TENM4: variants seen among roughly 807,000 people sequenced by gnomAD.
The protein encoded by TENM4 is teneurin-4.
In TENM4, 82 loss-of-function variants were observed where a neutral mutation model predicts 243.3. The observed-to-expected ratio is 0.34, with a 90% confidence interval of 0.28 to 0.40. The LOEUF (loss-of-function observed/expected upper bound fraction) is 0.40. Ranked by LOEUF, TENM4 falls within the 10% of genes least tolerant of loss-of-function variation. The pLI, the probability that TENM4 is intolerant of heterozygous loss-of-function variation, is 1.00. For synonymous variants in TENM4, 1,412 were observed against 1,456.3 expected (o/e 0.97, Z 0.69); for missense variants, 3,138 against 3,673.3 (o/e 0.85, Z 3.77).
intron 1 of TENM4, among the ~76,000 whole-genome samples, chr11:79,381,876 C>T (rs1858011790): frequency 6.6e-6 from 1 of 152,006 alleles, no homozygotes; most frequent in Non-Finnish European, 1.5e-5. Flanking sequence ...CCGTCCTGTT[C>T]CAGAGCCCAC....
At chr11:78,948,889 A>C (rs926499585) in intron 6 of TENM4, among the ~76,000 whole-genome samples, 13 of 152,256 alleles carry the variant, frequency 8.5e-5, no homozygotes, top group South Asian at 8.3e-4. Flanking sequence ...TTGTTTTCTC[A>C]TAATTGGATT....
At chr11:79,152,283 A>C (rs1031709861) in intron 3 of TENM4, among the ~76,000 whole-genome samples, 1 of 152,190 alleles carries the variant, frequency 6.6e-6, no homozygotes, top group Non-Finnish European at 1.5e-5. Flanking sequence ...CTTAGTCAGA[A>C]AATGAGAGTT....
chr11:79,120,633 T>G (rs1014095556), intron 4 of TENM4, among the ~76,000 whole-genome samples: 14 of 152,212 alleles, frequency 9.2e-5, no homozygotes, highest in African/African-American at 3.1e-4. Flanking sequence ...GTTAAAACAT[T>G]GCTGAATCCA....
At chr11:79,183,625 C>A (rs556102044) in intron 3 of TENM4, among the ~76,000 whole-genome samples, 1 of 152,194 alleles carries the variant, frequency 6.6e-6, no homozygotes, top group African/African-American at 2.4e-5. Flanking sequence ...ATTGATGTGG[C>A]AAGGTTGTGT....
intron 1 of TENM4, among the ~76,000 whole-genome samples, chr11:79,302,217 C>T (rs1429010151): frequency 6.6e-6 from 1 of 152,222 alleles, no homozygotes; most frequent in Non-Finnish European, 1.5e-5. Context: ...CAGGTCTTCA[C>T]ACAGAAAGCA....
chr11:79,290,078 G>C (rs760176930), intron 2 of TENM4, among the ~76,000 whole-genome samples: 1 of 152,082 alleles, frequency 6.6e-6, no homozygotes, highest in Non-Finnish European at 1.5e-5. Flanking sequence ...TTACAGGCAT[G>C]AGCCACTGCT....
At chr11:79,038,616 C>A (rs559499252) in intron 6 of TENM4, among the ~76,000 whole-genome samples, 4 of 152,296 alleles carry the variant, frequency 2.6e-5, no homozygotes, top group Admixed American at 2.0e-4. Context: ...CAGTTGAGCT[C>A]TCTCTGAAGG....
At chr11:78,780,582 T>C (rs1490341028) in intron 16 of TENM4, among the ~76,000 whole-genome samples, 1 of 152,072 alleles carries the variant, frequency 6.6e-6, no homozygotes, top group Non-Finnish European at 1.5e-5. Context: ...AGTTCTCTGA[T>C]GAAAAAAACT....
Position 79,139,644 on chromosome 11 carries a change from TA to T in TENM4, c.-66+9065del, listed in dbSNP as rs1393821987. Among the ~76,000 whole-genome samples, 2 of 94,416 alleles carry T rather than the reference TA, an allele frequency of 2.1e-5. 1 individual carries two copies. Among genetic ancestry groups the T allele is most frequent in the African/African-American group, 1.2e-4 (2 of 16,600 alleles). The allele number at this position is 94,416 out of a possible 152,430, so 61.9% of individuals were successfully genotyped here. ...ATATAAGTATATAAAATATATATTA[TA>T]TTTATATAAGTATATAAAATATATA... is the stretch of plus-strand genomic sequence containing the variant. On this transcript the variant is annotated intron_variant, in intron 4 of 33. Transcript: ENST00000278550.
At chr11:79,430,795 T>A (rs1426371649) in intron 1 of TENM4, among the ~76,000 whole-genome samples, 1 of 152,206 alleles carries the variant, frequency 6.6e-6, no homozygotes, top group Non-Finnish European at 1.5e-5. Context: ...TGATGTCTTC[T>A]GCAATACCCC....
chr11:78,773,822 T>A (rs539566219), intron 17 of TENM4, among the ~76,000 whole-genome samples: 2 of 152,350 alleles, frequency 1.3e-5, no homozygotes, highest in South Asian at 2.1e-4. Context: ...AGCTGCCACA[T>A]ACTGAGGGTC....
chr11:79,030,141 A>G (rs1859189244), intron 6 of TENM4, among the ~76,000 whole-genome samples: 1 of 152,210 alleles, frequency 6.6e-6, no homozygotes, highest in Non-Finnish European at 1.5e-5. Flanking sequence ...GGAAGCTGAG[A>G]GGAACTTGGG....
intron 15 of TENM4, among the ~76,000 whole-genome samples, chr11:78,801,789 T>C (rs1425759037): frequency 6.6e-6 from 1 of 152,196 alleles, no homozygotes; most frequent in Non-Finnish European, 1.5e-5. Context: ...ATTTGTCCTT[T>C]GGCCTGCAGC....
chr11:78,760,741 T>A (rs1856412052), intron 18 of TENM4, among the ~76,000 whole-genome samples: 1 of 152,212 alleles, frequency 6.6e-6, no homozygotes. Flanking sequence ...CTTCAGGAAA[T>A]TAACTACTAA....
At chr11:79,341,628 G>A (rs1407395334) in intron 1 of TENM4, among the ~76,000 whole-genome samples, 1 of 152,196 alleles carries the variant, frequency 6.6e-6, no homozygotes, top group Non-Finnish European at 1.5e-5. Flanking sequence ...TAAAAGGGTA[G>A]ATGTTGGGCC....
intron 6 of TENM4, chr11:78,924,809 G>GT (rs1856519723): frequency 6.6e-6 from 1 of 152,190 alleles, no homozygotes; most frequent in Non-Finnish European, 1.5e-5. Context: ...AAATAGCAAT[G>GT]TATCACTATA....
At chr11:78,903,740 G>A (rs781505256) in intron 6 of TENM4, 79 of 779,818 alleles carry the variant, frequency 1.0e-4, no homozygotes, top group Non-Finnish European at 1.6e-4. Context: ...AAAAATTCCC[G>A]TCCCCACTGA....
intron 1 of TENM4, among the ~76,000 whole-genome samples, chr11:79,346,804 G>A (rs1857333739): frequency 1.3e-5 from 2 of 152,116 alleles, no homozygotes; most frequent in Admixed American, 6.5e-5. Context: ...TCCCCCAACT[G>A]CCTCAAGGCC....
intron 6 of TENM4, among the ~76,000 whole-genome samples, chr11:79,001,380 C>G (rs1371437652): frequency 1.3e-5 from 2 of 152,110 alleles, no homozygotes; most frequent in Non-Finnish European, 2.9e-5. Context: ...TACTGAGCAC[C>G]AGCCTGGCCC....
Sources: allele counts gnomAD v4.1 joint callset (sites outside exome capture counted in the v4.1 genomes callset), GRCh38; gene constraint gnomAD v4.1.1; transcripts MANE v1.5; gene names NCBI Gene and HGNC (gene_info 2026-07-23, HGNC 2026-07-21).